ZGLP1: variants seen among roughly 807,000 people sequenced by gnomAD.
The protein encoded by ZGLP1 is GATA-type zinc finger protein 1.
In ZGLP1, 11 loss-of-function variants were observed where a neutral mutation model predicts 21.4. That is an observed-to-expected ratio of 0.51 (90% CI 0.32 to 0.85). ZGLP1 has a LOEUF of 0.85. Ranked by LOEUF, ZGLP1 falls within the 40% of genes least tolerant of loss-of-function variation. The probability of loss-of-function intolerance (pLI) is 0.03; values close to 1 mark genes in which losing one functional copy is unlikely to be tolerated. For synonymous variants in ZGLP1, 148 were observed against 145.0 expected (o/e 1.02, Z -0.15); for missense variants, 295 against 355.6 (o/e 0.83, Z 1.37).
rs749068716 is a variant in ZGLP1, at chr19:10,305,767, G to T, written c.604+79C>A. ...TAAATGGGGAAGCAAGATGGAGAAG[G>T]GGGGGGCAGGGAGAAAGGCAGGGAA... On this transcript the variant is annotated intron_variant, in intron 2 of 3. Transcript: ENST00000403903. The surrounding 1 kb of genome is among the most constrained non-coding windows in gnomAD (Gnocchi z 4.7). The T allele has an allele frequency of 8.5e-6, 10 of 1,176,332 alleles. No individual in the cohort carries two copies. Among genetic ancestry groups the T allele is most frequent in the African/African-American group, 7.6e-5 (5 of 65,638 alleles). The allele number at this position is 1,176,332 out of a possible 1,614,324, so 72.9% of individuals were successfully genotyped here.
chr19:10,305,789 G>C lies in ZGLP1; in HGVS notation c.604+57C>G. The stretch of plus-strand genomic sequence containing the variant: ...AAGGGGGGGGCAGGGAGAAAGGCAG[G>C]GAAGACAGGAAATTGGCCCCCAAAA... On this transcript the variant is annotated intron_variant, in intron 2 of 3. Transcript: ENST00000403903. This position sits in a 1 kb window ranked among gnomAD's most constrained non-coding sequence, Gnocchi z 4.7. 1 of 1,363,154 alleles carries C rather than the reference G, an allele frequency of 7.3e-7. No homozygotes were observed. The highest frequency in any genetic ancestry group is 1.0e-6 in the Non-Finnish European group (1 of 975,262). The allele number at this position is 1,363,154 out of a possible 1,614,324, so 84.4% of individuals were successfully genotyped here. A position where few individuals can be genotyped will look rare whatever the true frequency, so the allele number is the denominator to read the frequency against.
chr19:10,307,536 A>G (rs2040286564), intron 1 of ZGLP1, among the ~76,000 whole-genome samples: 1 of 139,282 alleles, frequency 7.2e-6, no homozygotes, highest in South Asian at 2.3e-4. Flanking sequence ...TTTTTTTGAG[A>G]CTGAGTCCCA....
In ZGLP1 at chr19:10,305,343, A is replaced by T; in HGVS notation, c.698+47T>A. The T allele has an allele frequency of 6.4e-7, 1 of 1,551,164 alleles. No homozygotes were observed. The highest frequency in any genetic ancestry group is 8.8e-7 in the Non-Finnish European group (1 of 1,140,324). Reference sequence around the variant, plus strand: ...CACAGGCCATCCTGGTTACACGTGGACTGATTTGGGGACCCCCGCCCCAAC... The same window carrying T: ...CACAGGCCATCCTGGTTACACGTGGTCTGATTTGGGGACCCCCGCCCCAAC... On this transcript the variant is annotated intron_variant, in intron 3 of 3. Transcript: ENST00000403903. The surrounding 1 kb of genome is among the most constrained non-coding windows in gnomAD (Gnocchi z 4.7).
Position 10,307,516 on chromosome 19 carries a change from G to GTT in ZGLP1, c.497+667_497+668dup, listed in dbSNP as rs34638207. On this transcript the variant is annotated intron_variant, in intron 1 of 3. Transcript: ENST00000403903. ...AGGTGCCCATTACCATTCCCAGCTA[G>GTT]TTTTTTTTTTTTTTTTGAGACTGAG... 9.6e-4 allele frequency among the ~76,000 whole-genome samples: 126 copies of GTT among 130,578 alleles called. 1 individual carries two copies. Among genetic ancestry groups the GTT allele is most frequent in the East Asian group, 5.9e-3 (26 of 4,414 alleles). 85.7% of individuals were successfully genotyped at this position (130,578 alleles called of 152,430 possible).
exon 1 of ZGLP1, chr19:10,308,356 T>C: frequency 6.2e-7 from 1 of 1,607,486 alleles, no homozygotes; most frequent in South Asian, 1.1e-5. Flanking sequence ...ACGGCGGCCC[T>C]TTTGGCTGAT....
intron 1 of ZGLP1, among the ~76,000 whole-genome samples, chr19:10,307,924 G>A (rs1448190299): frequency 6.6e-6 from 1 of 152,226 alleles, no homozygotes; most frequent in Non-Finnish European, 1.5e-5. Context: ...AAAAATCACC[G>A]CAGCCGCAGC....
At chr19:10,308,679 C>A in exon 1 of ZGLP1, 2 of 1,493,822 alleles carry the variant, frequency 1.3e-6, no homozygotes, top group South Asian at 2.8e-5. Flanking sequence ...GAGGTTCAGT[C>A]ATTTCTAACT....
chr19:10,308,455 G>C (rs750031649), exon 1 of ZGLP1: 3 of 1,610,076 alleles, frequency 1.9e-6, no homozygotes, highest in Non-Finnish European at 2.5e-6. Context: ...CCCCAGGACC[G>C]GGGTGTCCTG....
chr19:10,305,723 G>A lies in ZGLP1; in HGVS notation c.604+123C>T, dbSNP rs939762291. The A allele has an allele frequency of 9.5e-6, 8 of 841,172 alleles. No homozygotes were observed. The East Asian group carries it at 1.1e-4, about 11-fold the overall frequency. 52.1% of individuals were successfully genotyped at this position (841,172 alleles called of 1,614,324 possible). Reference sequence around the variant, plus strand: ...CAGCCCAAGTGGAGGGGGGTGCTGCGACTCCTCCCTGAGGGCTCTAAATGG... The same window carrying A: ...CAGCCCAAGTGGAGGGGGGTGCTGCAACTCCTCCCTGAGGGCTCTAAATGG... On this transcript the variant is annotated intron_variant, in intron 2 of 3. Coordinates refer to ENST00000403903, the Ensembl canonical transcript of ZGLP1. The surrounding 1 kb of genome is among the most constrained non-coding windows in gnomAD (Gnocchi z 4.7).
Position 10,305,557 on chromosome 19 carries a change from G to A in ZGLP1, c.605-74C>T. The A allele has an allele frequency of 7.5e-7, 1 of 1,335,200 alleles. No individual in the cohort carries two copies. The highest frequency in any genetic ancestry group is 1.3e-5 in the South Asian group (1 of 79,588). 82.7% of individuals were successfully genotyped at this position (1,335,200 alleles called of 1,614,324 possible). On this transcript the variant is annotated intron_variant, in intron 2 of 3. Transcript: ENST00000403903. The surrounding 1 kb of genome is among the most constrained non-coding windows in gnomAD (Gnocchi z 4.7). Reference sequence around the variant, plus strand: ...GCTCGGGATGCCTGTGCGGAGTCGGGCATTTTGTGGGGGTCTCAGTAAAGG... The same window carrying A: ...GCTCGGGATGCCTGTGCGGAGTCGGACATTTTGTGGGGGTCTCAGTAAAGG...
rs73019211 is a variant in ZGLP1, at chr19:10,308,935, G to A, written c.-254C>T. On this transcript the variant is annotated 5_prime_UTR_variant, in exon 1 of 4. Coordinates refer to ENST00000403903, the Ensembl canonical transcript of ZGLP1. ...CTCACTCTGTACCCCCGCCTGGAGT[G>A]CAGGGGCGTGATCAGGACTCAGTGC... is the stretch of plus-strand genomic sequence containing the variant. 2,919 of 326,956 alleles carry A rather than the reference G, an allele frequency of 8.9e-3. 31 individuals carry two copies. Among genetic ancestry groups the A allele is most frequent in the Middle Eastern group, 0.047 (57 of 1,204 alleles). 20.3% of individuals were successfully genotyped at this position (326,956 alleles called of 1,614,324 possible).
chr19:10,305,317 C>T lies in ZGLP1; in HGVS notation c.698+73G>A, dbSNP rs988124570. ...GTAGGTGTTTTGCTTTTTGCTTTCC[C>T]CACAGGCCATCCTGGTTACACGTGG... On this transcript the variant is annotated intron_variant, in intron 3 of 3. Transcript: ENST00000403903. This position sits in a 1 kb window ranked among gnomAD's most constrained non-coding sequence, Gnocchi z 4.7. 4.5e-6 allele frequency: 7 copies of T among 1,547,226 alleles called. No homozygotes were observed. The East Asian group carries it at 9.4e-5, about 21-fold the overall frequency.
exon 1 of ZGLP1, chr19:10,308,776 T>TCAACCCCTTA (rs1225367887): frequency 4.0e-6 from 5 of 1,243,324 alleles, no homozygotes; most frequent in Non-Finnish European, 5.2e-6. Flanking sequence ...TCCACATCAA[T>TCAACCCCTTA]CAACCCCTTA....
chr19:10,308,969 A>G, exon 1 of ZGLP1: 1 of 272,724 alleles, frequency 3.7e-6, no homozygotes, highest in Non-Finnish European at 6.8e-6. Context: ...GCAGCCTAGA[A>G]CTCCTGGGCT....
Position 10,305,511 on chromosome 19 carries a change from G to C in ZGLP1, c.605-28C>G. On this transcript the variant is annotated intron_variant, in intron 2 of 3. Transcript: ENST00000403903. The surrounding 1 kb of genome is among the most constrained non-coding windows in gnomAD (Gnocchi z 4.7). ...GAAGGGTCAGAGGTCAAAGGGCAGGGGTCAGAGGCCAAGCATGTGAGCTCG... is the reference window on the plus strand; with the variant it reads ...GAAGGGTCAGAGGTCAAAGGGCAGGCGTCAGAGGCCAAGCATGTGAGCTCG... 2 of 1,567,330 alleles carry C rather than the reference G, an allele frequency of 1.3e-6. No individual in the cohort carries two copies. The highest frequency in any genetic ancestry group is 8.7e-7 in the Non-Finnish European group (1 of 1,152,970).
At chr19:10,307,065 C>T (rs2040283400) in intron 1 of ZGLP1, among the ~76,000 whole-genome samples, 1 of 149,874 alleles carries the variant, frequency 6.7e-6, no homozygotes, top group Non-Finnish European at 1.5e-5. Flanking sequence ...ATCCGGGAGG[C>T]AGAGGTTGCA....
In ZGLP1 at chr19:10,305,986, G is replaced by C; in HGVS notation, c.498-34C>G. On this transcript the variant is annotated intron_variant, in intron 1 of 3. Coordinates refer to ENST00000403903, the Ensembl canonical transcript of ZGLP1. This position sits in a 1 kb window ranked among gnomAD's most constrained non-coding sequence, Gnocchi z 4.7. ...CAGACAAGGTATTAGCACTGGGGGGGATCTGTAGCTTGTCCCCAACAGCCC... is the reference window on the plus strand; with the variant it reads ...CAGACAAGGTATTAGCACTGGGGGGCATCTGTAGCTTGTCCCCAACAGCCC... 1 of 1,453,848 alleles carries C rather than the reference G, an allele frequency of 6.9e-7. No homozygotes were observed. The highest frequency in any genetic ancestry group is 9.4e-7 in the Non-Finnish European group (1 of 1,063,732). The allele number at this position is 1,453,848 out of a possible 1,614,324, so 90.1% of individuals were successfully genotyped here.
chr19:10,308,742 G>A, exon 1 of ZGLP1: 1 of 1,398,844 alleles, frequency 7.1e-7, no homozygotes. Flanking sequence ...CGCCCACTGT[G>A]GGCCTCCCAG....
chr19:10,309,710 C>T (rs2040303860), exon 1 of ZGLP1: 1 of 152,278 alleles, frequency 6.6e-6, no homozygotes, highest in Non-Finnish European at 1.5e-5. Flanking sequence ...GCCTGGACCC[C>T]ACCAAATCCC....
Sources: gnomAD v4.1 joint callset for allele counts (sites outside exome capture counted in the v4.1 genomes callset) on GRCh38, gnomAD v4.1.1 for gene constraint, Gnocchi (gnomAD v3.1) non-coding constraint, MANE v1.5 for transcripts, NCBI Gene and HGNC (gene_info 2026-07-23, HGNC 2026-07-21) for gene names.